RGL1: variants seen among roughly 807,000 people sequenced by gnomAD.
RGL1 encodes the protein ral guanine nucleotide dissociation stimulator like 1.
RGL1 carries 24 observed loss-of-function variants against 95.2 expected under a neutral mutation model. The observed-to-expected ratio is 0.25, with a 90% CI of 0.18 to 0.35. The LOEUF is 0.35. Among genes scored for constraint, RGL1 ranks in the 10% least tolerant of loss-of-function variants. The probability of loss-of-function intolerance (pLI) is 1.00; values close to 1 mark genes in which losing one functional copy is unlikely to be tolerated. For missense variants in RGL1, 715 were observed against 936.3 expected (o/e 0.76, Z 3.08); for synonymous variants, 329 against 344.9 (o/e 0.95, Z 0.51).
intron 15 of RGL1, among the ~76,000 whole-genome samples, chr1:183,913,182 CTTTTTTTTTTT>C (rs537751695): frequency 4.4e-5 from 3 of 68,246 alleles, no homozygotes; most frequent in Non-Finnish European, 7.7e-5. Flanking sequence ...GACCAGTCTT[CTTTTTTTTTTT>C]TTTTTTTTTT....
At chr1:183,737,629 G>T (rs1334095877) in intron 1 of RGL1, among the ~76,000 whole-genome samples, 1 of 150,068 alleles carries the variant, frequency 6.7e-6, no homozygotes, top group African/African-American at 2.4e-5. Context: ...TCTGCAGATT[G>T]TTTCTCAGTG....
chr1:183,766,792 A>ATT (rs775470958), intron 2 of RGL1, among the ~76,000 whole-genome samples: 1 of 148,068 alleles, frequency 6.8e-6, no homozygotes, highest in African/African-American at 2.5e-5. Context: ...GTGCTCTATC[A>ATT]TTTTTTTTTT....
chr1:183,808,244 C>T (rs750616918), intron 2 of RGL1, among the ~76,000 whole-genome samples: 4 of 152,318 alleles, frequency 2.6e-5, no homozygotes, highest in South Asian at 2.1e-4. Context: ...CACTTCTTTT[C>T]TTCTCTCTCC....
At chr1:183,830,431 G>GTATT (rs1191874953) in intron 2 of RGL1, among the ~76,000 whole-genome samples, 1 of 152,154 alleles carries the variant, frequency 6.6e-6, no homozygotes, top group Non-Finnish European at 1.5e-5. Flanking sequence ...TTCTTGCAAT[G>GTATT]TATTTATTTA....
At chr1:183,706,202 G>A (rs1390656764) in intron 1 of RGL1, among the ~76,000 whole-genome samples, 1 of 152,140 alleles carries the variant, frequency 6.6e-6, no homozygotes, top group Non-Finnish European at 1.5e-5. Flanking sequence ...TGGGCATGAG[G>A]GCAGGACTAA....
chr1:183,767,981 T>C (rs937197675), intron 2 of RGL1, among the ~76,000 whole-genome samples: 3 of 152,118 alleles, frequency 2.0e-5, no homozygotes, highest in African/African-American at 7.2e-5. Context: ...CCAACTGCCA[T>C]GTATTTCTTT....
chr1:183,858,806 A>G (rs1483610290), intron 3 of RGL1, among the ~76,000 whole-genome samples: 3 of 152,210 alleles, frequency 2.0e-5, no homozygotes, highest in Non-Finnish European at 2.9e-5. Flanking sequence ...CCATTTAGAT[A>G]AATTGATATT....
chr1:183,812,811 G>A (rs967885259), intron 2 of RGL1, among the ~76,000 whole-genome samples: 13 of 152,196 alleles, frequency 8.5e-5, no homozygotes, highest in Admixed American at 7.2e-4. Flanking sequence ...GTGGGAAGGT[G>A]TGGAGGCCTG....
intron 1 of RGL1, among the ~76,000 whole-genome samples, chr1:183,661,407 C>T (rs188068948): frequency 0.013 from 1,949 of 152,178 alleles, 50 homozygotes; most frequent in African/African-American, 0.045. Context: ...ATGCAAACTA[C>T]CATCAGAGAA....
Position 183,916,558 on chromosome 1 carries a change from C to G in RGL1, c.1861C>G (p.Pro621Ala). 6.2e-7 allele frequency: 1 copy of G among 1,613,908 alleles called. No individual in the cohort carries two copies. The highest frequency in any genetic ancestry group is 8.5e-7 in the Non-Finnish European group (1 of 1,179,992). ...CTCCCCTCCGTCCTGCAACAACAACCCCAAAATCCACAAGCGCTCTGTCTC... is the reference window on the plus strand; with the variant it reads ...CTCCCCTCCGTCCTGCAACAACAACGCCAAAATCCACAAGCGCTCTGTCTC... ...LSSPPSCNNNPKIHKRSVSVT... is the reference protein window; with the variant it reads ...LSSPPSCNNNAKIHKRSVSVT... Residue 621 changes from proline (P) to alanine (A), a missense_variant, in exon 16 of 18, where the codon CCC becomes GCC. By Grantham distance (27) the Pro-to-Ala change is conservative (BLOSUM62 -1). Transcript: ENST00000360851.
chr1:183,647,924 G>T, intron 1 of RGL1: 21 of 1,614,218 alleles, frequency 1.3e-5, no homozygotes, highest in Non-Finnish European at 1.8e-5. Context: ...GAGCCCTGAG[G>T]TCTGGAGGTA....
chr1:183,649,803 T>C (rs76253648), intron 1 of RGL1, among the ~76,000 whole-genome samples: 1,981 of 152,298 alleles, frequency 0.013, 48 homozygotes, highest in African/African-American at 0.046. Flanking sequence ...CCTATAATGC[T>C]CTAGGAGCTA....
At chr1:183,729,965 G>A (rs1382129356) in intron 1 of RGL1, among the ~76,000 whole-genome samples, 1 of 152,174 alleles carries the variant, frequency 6.6e-6, no homozygotes. Flanking sequence ...GCCAGTGATA[G>A]GGTGAGATCG....
chr1:183,643,204 A>G (rs1298672198), intron 1 of RGL1, among the ~76,000 whole-genome samples: 1 of 152,154 alleles, frequency 6.6e-6, no homozygotes, highest in Non-Finnish European at 1.5e-5. Flanking sequence ...CCTTTTGGCT[A>G]TTGTGAATAA....
intron 2 of RGL1, 82 bp from the exon 3 acceptor site, chr1:183,847,484 A>G (rs1056854147): frequency 2.7e-6 from 3 of 1,103,244 alleles, no homozygotes; most frequent in Non-Finnish European, 4.1e-6. Flanking sequence ...ATAACAGGCT[A>G]TGGCCTTCAA....
chr1:183,902,752 A>C (rs150526697), intron 12 of RGL1, 152 bp downstream of exon 12: 34 of 631,808 alleles, frequency 5.4e-5, no homozygotes, highest in Non-Finnish European at 8.3e-5. Context: ...TCTCCTATAC[A>C]TTATCCCCCA....
chr1:183,878,272 C>G (rs1017662980), intron 4 of RGL1, among the ~76,000 whole-genome samples: 1 of 152,052 alleles, frequency 6.6e-6, no homozygotes, highest in Non-Finnish European at 1.5e-5. Context: ...TCACAGCTCA[C>G]TGCAGCCTCT....
intron 12 of RGL1, among the ~76,000 whole-genome samples, chr1:183,903,805 A>C (rs1456701655): frequency 6.6e-6 from 1 of 152,250 alleles, no homozygotes; most frequent in Admixed American, 6.5e-5. Context: ...TAGAGGAGCT[A>C]AACAAAGCTG....
At chr1:183,692,767 G>A (rs1399996819) in intron 1 of RGL1, among the ~76,000 whole-genome samples, 1 of 152,058 alleles carries the variant, frequency 6.6e-6, no homozygotes, top group Non-Finnish European at 1.5e-5. Flanking sequence ...TAGGGTGGGA[G>A]CAGTGACTAT....
Sources: allele counts gnomAD v4.1 joint callset (sites outside exome capture counted in the v4.1 genomes callset), GRCh38; gene constraint gnomAD v4.1.1; transcripts MANE v1.5; gene names NCBI Gene and HGNC (gene_info 2026-07-23, HGNC 2026-07-21).